Variants in NOVA2 observed in about 807,000 individuals in gnomAD.
The protein encoded by NOVA2 is RNA-binding protein Nova-2.
NOVA2 carries 9 observed loss-of-function variants against 22.5 expected under a neutral mutation model. The ratio of observed to expected loss-of-function variants is 0.40; its 90% CI spans 0.24 to 0.70. The LOEUF (loss-of-function observed/expected upper bound fraction) is 0.70. Among genes scored for constraint, NOVA2 ranks in the 30% least tolerant of loss-of-function variants. The pLI is 0.38. For synonymous variants in NOVA2, 318 were observed against 335.2 expected, an observed-to-expected ratio of 0.95 and a Z score of 0.56; for missense variants, 383 against 682.8, an observed-to-expected ratio of 0.56 and a Z score of 4.89.
chr19:45,963,333 C>T (rs1026192221), intron 1 of NOVA2, among the ~76,000 whole-genome samples: 2 of 149,740 alleles, frequency 1.3e-5, no homozygotes, highest in African/African-American at 4.9e-5. Flanking sequence ...GAGCCGAGAT[C>T]GCGCCACTGC....
chr19:45,964,346 ATT>A (rs1418783907), intron 1 of NOVA2, among the ~76,000 whole-genome samples: 6 of 98,026 alleles, frequency 6.1e-5, no homozygotes, highest in African/African-American at 2.1e-4. Context: ...TGCCCGGCTA[ATT>A]TGTGTGTGTG....
intron 1 of NOVA2, among the ~76,000 whole-genome samples, chr19:45,966,715 TAAA>T (rs1201874720): frequency 6.6e-6 from 1 of 152,050 alleles, no homozygotes; most frequent in African/African-American, 2.4e-5. Context: ...CCGTCTCTAC[TAAA>T]TACAAAAAAT....
rs139055477 is a variant in NOVA2 at position 45,961,011 on chromosome 19, G to C, written c.228C>G (p.Pro76=). The C allele has an allele frequency of 2.5e-6, 4 of 1,572,396 alleles. No homozygotes were observed. Among genetic ancestry groups the C allele is most frequent in the African/African-American group, 2.7e-5 (2 of 74,056 alleles). The change falls in exon 2 of 4, where the codon CCC becomes CCG. Residue 76 remains proline (P), a splice_region_variant and synonymous_variant. Transcript: ENST00000263257. The part of the protein sequence containing the change: ...IKLSKSKDFY[P]GTTERVCLVQ... Reference sequence around the variant, plus strand: ...GCAGAGACCTGGGCCGGGGCTCACCGGGGTAGAAGTCTTTGGACTTGGAGA... The same window carrying C: ...GCAGAGACCTGGGCCGGGGCTCACCCGGGTAGAAGTCTTTGGACTTGGAGA...
intron 1 of NOVA2, among the ~76,000 whole-genome samples, chr19:45,972,773 G>C (rs893919325): frequency 6.6e-6 from 1 of 151,906 alleles, no homozygotes; most frequent in African/African-American, 2.4e-5. Flanking sequence ...CACCTACCCA[G>C]CCTGTCCCCA....
intron 3 of NOVA2, among the ~76,000 whole-genome samples, chr19:45,951,812 A>AAAT (rs924652173): frequency 2.0e-5 from 3 of 151,782 alleles, no homozygotes; most frequent in Non-Finnish European, 2.9e-5. Flanking sequence ...AATATATATT[A>AAAT]AATAATAATA....
intron 1 of NOVA2, among the ~76,000 whole-genome samples, chr19:45,968,391 C>T (rs1018404091): frequency 2.0e-5 from 3 of 151,838 alleles, no homozygotes; most frequent in African/African-American, 7.3e-5. Flanking sequence ...CTGTGAATGG[C>T]GGTGTTGCCT....
At position 45,953,756 on chromosome 19, in the gene NOVA2, A is replaced by G. The variant is rs199519925; in HGVS notation, c.396+24T>C. On this transcript the variant is annotated intron_variant, in intron 3 of 3. Transcript: ENST00000263257. ...TTGTGAATGTCAACAGCTTTACAGCAACCCAGTCTCTGCCCCAGCTGACCT... is the reference window on the plus strand; with the variant it reads ...TTGTGAATGTCAACAGCTTTACAGCGACCCAGTCTCTGCCCCAGCTGACCT... 101 of 1,613,934 alleles carry G rather than the reference A, an allele frequency of 6.3e-5. No homozygotes were observed. In the East Asian group the frequency reaches 1.0e-3, roughly 16 times the overall value.
chr19:45,946,975 G>A (rs11083789), intron 3 of NOVA2, among the ~76,000 whole-genome samples: 11,157 of 151,966 alleles, frequency 0.073, 452 homozygotes, highest in East Asian at 0.14. Flanking sequence ...TTAACAACTG[G>A]TGAATCTAAG....
rs1967624689 is a variant in NOVA2, at chr19:45,933,886, G to A, written c.*5977C>T. 1 of 152,030 alleles carries A rather than the reference G, an allele frequency of 6.6e-6. No individual in the cohort carries two copies. The highest frequency in any genetic ancestry group is 2.4e-5 in the African/African-American group (1 of 41,348). The allele number at this position is 152,030 out of a possible 1,614,324, so 9.4% of individuals were successfully genotyped here. A position where few individuals can be genotyped will look rare whatever the true frequency, so the allele number is the denominator to read the frequency against. On this transcript the variant is annotated 3_prime_UTR_variant, in exon 4 of 4. Transcript: ENST00000263257. ...AACGGACACTGGGGGTGGGTGAGTG[G>A]GTGGGGTGGGCGTGGCCCAGGCATG...
intron 2 of NOVA2, among the ~76,000 whole-genome samples, chr19:45,960,800 C>A (rs1027472263): frequency 4.6e-5 from 7 of 152,176 alleles, no homozygotes; most frequent in African/African-American, 1.7e-4. Context: ...ATGCAGCAGG[C>A]CCGTTGTCTT....
At chr19:45,971,588 C>T (rs115109473) in intron 1 of NOVA2, among the ~76,000 whole-genome samples, 4,275 of 151,986 alleles carry the variant, frequency 0.028, 208 homozygotes, top group African/African-American at 0.098. Context: ...TGGGGGAGGG[C>T]TAGGATGGGA....
intron 3 of NOVA2, among the ~76,000 whole-genome samples, chr19:45,947,288 A>C (rs1266588969): frequency 6.6e-6 from 1 of 152,066 alleles, no homozygotes; most frequent in African/African-American, 2.4e-5. Flanking sequence ...ACGGATGAAG[A>C]CTGAAGGATG....
chr19:45,970,979 C>A (rs1968225386), intron 1 of NOVA2, among the ~76,000 whole-genome samples: 1 of 152,090 alleles, frequency 6.6e-6, no homozygotes, highest in Non-Finnish European at 1.5e-5. Context: ...TGGAGGGAGG[C>A]AGGATAGCAC....
At chr19:45,947,650 T>C (rs921338796) in intron 3 of NOVA2, among the ~76,000 whole-genome samples, 1 of 151,936 alleles carries the variant, frequency 6.6e-6, no homozygotes, top group Non-Finnish European at 1.5e-5. Context: ...ATTTTTGTAT[T>C]TTTAGTAGCG....
rs1270849440 is a variant in NOVA2, at chr19:45,937,762, GC to G, written c.*2100del. The G allele has an allele frequency of 2.0e-5, 3 of 152,184 alleles. No individual in the cohort carries two copies. 9.4% of individuals were successfully genotyped at this position (152,184 alleles called of 1,614,324 possible). A position where few individuals can be genotyped will look rare whatever the true frequency, so the allele number is the denominator to read the frequency against. On this transcript the variant is annotated 3_prime_UTR_variant, in exon 4 of 4. Coordinates refer to ENST00000263257, the MANE Select transcript of NOVA2 (RefSeq NM_002516.4). ...AAGTCACCCCAGTGCCCAAGTTACA[GC>G]CTCCCATCGGGTGGAAGGGCTGGGG... is the stretch of plus-strand genomic sequence containing the variant.
chr19:45,967,054 T>C (rs2146427731), intron 1 of NOVA2, among the ~76,000 whole-genome samples: 1 of 152,242 alleles, frequency 6.6e-6, no homozygotes. Context: ...TGATGGTCCC[T>C]GTATCAGACT....
In NOVA2 at chr19:45,960,995, T is replaced by C; in HGVS notation, c.229+15A>G. ...GGGCGGGGGGCCTAGGGCAGAGACC[T>C]GGGCCGGGGCTCACCGGGGTAGAAG... On this transcript the variant is annotated intron_variant, in intron 2 of 3. Transcript: ENST00000263257. 2 of 1,568,172 alleles carry C rather than the reference T, an allele frequency of 1.3e-6. No individual in the cohort carries two copies. The highest frequency in any genetic ancestry group is 1.2e-5 in the South Asian group (1 of 85,290).
At chr19:45,951,596 C>T (rs962630891) in intron 3 of NOVA2, among the ~76,000 whole-genome samples, 4 of 141,300 alleles carry the variant, frequency 2.8e-5, no homozygotes, top group African/African-American at 7.7e-5. Flanking sequence ...CCATCCTGGG[C>T]AACAAGAGCA....
chr19:45,966,890 AT>A (rs1239059790), intron 1 of NOVA2, among the ~76,000 whole-genome samples: 3 of 152,210 alleles, frequency 2.0e-5, no homozygotes, highest in African/African-American at 4.8e-5. Context: ...ATAAAAAAAA[AT>A]TAAGAAGAAA....
Sources: gnomAD v4.1 joint callset for allele counts (sites outside exome capture counted in the v4.1 genomes callset) on GRCh38, gnomAD v4.1.1 for gene constraint, MANE v1.5 for transcripts, NCBI Gene and HGNC (gene_info 2026-07-23, HGNC 2026-07-21) for gene names.